The following CTR9 variants were observed in gnomAD, a reference collection of about 807,000 sequenced individuals.
CTR9 encodes CTR9 component of Paf1/RNA polymerase II complex, also known as RNA polymerase-associated protein CTR9 homolog.
Under a neutral mutation model 152.1 loss-of-function variants are expected in CTR9, and 41 were observed. That is an observed-to-expected ratio of 0.27 (90% CI 0.21 to 0.35). CTR9 has a LOEUF of 0.35. CTR9 is among the 10% of genes least tolerant of loss of function. The pLI is 1.00. For missense variants in CTR9, 917 were observed against 1,424.4 expected (o/e 0.64, Z 5.73); for synonymous variants, 476 against 496.2 (o/e 0.96, Z 0.54).
In CTR9 at chr11:10,755,117, A is replaced by C; in HGVS notation, c.304A>C (p.Asn102His). The C allele has an allele frequency of 6.2e-7, 1 of 1,614,090 alleles. No individual in the cohort carries two copies. The highest frequency in any genetic ancestry group is 8.5e-7 in the Non-Finnish European group (1 of 1,179,976). The change falls in exon 3 of 25, where the codon AAT becomes CAT. Residue 102 changes from asparagine to histidine, a missense_variant. Asn to His is a moderately conservative substitution (Grantham distance 68). Around this residue, in one of 9 missense-constraint regions of CTR9, gnomAD observed 67 missense variants for 106.9 expected, o/e 0.63. Transcript: ENST00000361367. ...YYVQQARKEKNKDNKKDLITQ... is the reference protein window; with the variant it reads ...YYVQQARKEKHKDNKKDLITQ... ...TGTACAACAGGCTCGGAAAGAAAAG[A>C]ATAAGGACAATAAAAAGGATCTTAT...
rs1863284326 is a variant in CTR9, at chr11:10,778,849, AGCCATCCAGAAAGAGAAG to A, written c.3270_3287del (p.Arg1092_Ser1097del). On this transcript the variant is annotated inframe_deletion, in exon 25 of 25. Coordinates refer to ENST00000361367, the MANE Select transcript of CTR9 (RefSeq NM_014633.5). Reference sequence around the variant, plus strand: ...TCAGATCAGGACTCAGACAGTGACCAGCCATCCAGAAAGAGAAGGCCCTCCGGTTCTGAGCAGTCTGAC... The same window carrying A: ...TCAGATCAGGACTCAGACAGTGACCAGCCCTCCGGTTCTGAGCAGTCTGAC... The A allele has an allele frequency of 1.9e-6, 3 of 1,614,138 alleles. No homozygotes were observed. Among genetic ancestry groups the A allele is most frequent in the Non-Finnish European group, 2.5e-6 (3 of 1,180,044 alleles).
At chr11:10,766,761 T>C (rs1266268921) in intron 13 of CTR9, among the ~76,000 whole-genome samples, 3 of 152,202 alleles carry the variant, frequency 2.0e-5, no homozygotes, top group African/African-American at 7.2e-5. Flanking sequence ...CTTCAACAAA[T>C]GTGACCTGAC....
chr11:10,770,406 C>T (rs1464148748), intron 17 of CTR9, 80 bp downstream of exon 17: 2 of 1,570,972 alleles, frequency 1.3e-6, no homozygotes, highest in Non-Finnish European at 1.7e-6. Flanking sequence ...TGTTCACATA[C>T]CTACTACTTA....
In CTR9 at chr11:10,779,292, C is replaced by CAT; in HGVS notation, c.*187_*188insAT. On this transcript the variant is annotated 3_prime_UTR_variant, in exon 25 of 25. Transcript: ENST00000361367. ...GTGCTAGAGTCCAATATTTGAGTCT[C>CAT]TCGTGCAAATGAGACTATTCTTTGT... 1.7e-6 allele frequency: 1 copy of CAT among 590,818 alleles called. No homozygotes were observed. The highest frequency in any genetic ancestry group is 2.9e-6 in the Non-Finnish European group (1 of 341,444). 36.6% of individuals were successfully genotyped at this position (590,818 alleles called of 1,614,324 possible).
chr11:10,773,654 G>A (rs1336566365), intron 21 of CTR9, among the ~76,000 whole-genome samples: 3 of 151,992 alleles, frequency 2.0e-5, no homozygotes, highest in African/African-American at 4.8e-5. Context: ...TTGGGAGGCC[G>A]AGGTGGGCAG....
chr11:10,776,916 T>C (rs901501645), intron 24 of CTR9, among the ~76,000 whole-genome samples: 7 of 127,448 alleles, frequency 5.5e-5, no homozygotes, highest in African/African-American at 2.1e-4. Flanking sequence ...GAGGTTGAAG[T>C]GAGCTGAGAT....
In CTR9 at chr11:10,775,253, G is replaced by A; in HGVS notation, c.2932G>A (p.Gly978Ser). 6.2e-7 allele frequency: 1 copy of A among 1,613,914 alleles called. No individual in the cohort carries two copies. The highest frequency in any genetic ancestry group is 8.5e-7 in the Non-Finnish European group (1 of 1,179,932). ...EGSDDDETENGPKPKKRRPPK... is the reference protein window; with the variant it reads ...EGSDDDETENSPKPKKRRPPK... ...ATCTGATGATGATGAAACAGAAAATGGCCCCAAACCAAAAAAACGACGTCC... is the reference window on the plus strand; with the variant it reads ...ATCTGATGATGATGAAACAGAAAATAGCCCCAAACCAAAAAAACGACGTCC... The change falls in exon 23 of 25, where the codon GGC becomes AGC. Residue 978 changes from glycine to serine, a missense_variant. Physicochemically the swap from Gly to Ser is moderately conservative, Grantham distance 56. Around this residue, in one of 9 missense-constraint regions of CTR9, gnomAD observed 384 missense variants for 398.4 expected, o/e 0.96. Coordinates refer to ENST00000361367, the MANE Select transcript of CTR9 (RefSeq NM_014633.5).
chr11:10,754,700 C>A (rs1266981134), intron 2 of CTR9, among the ~76,000 whole-genome samples: 1 of 151,870 alleles, frequency 6.6e-6, no homozygotes, highest in Non-Finnish European at 1.5e-5. Context: ...TTTTTTTGGT[C>A]TGATTTCTTT....
In CTR9 at chr11:10,778,885, A is replaced by G; in HGVS notation, c.3302A>G (p.Gln1101Arg). Residue 1101 changes from glutamine (Q) to arginine (R), a missense_variant, in exon 25 of 25, where the codon CAG becomes CGG. Coordinates refer to ENST00000361367, the MANE Select transcript of CTR9 (RefSeq NM_014633.5). ...AAGAGAAGGCCCTCCGGTTCTGAGC[A>G]GTCTGACAATGAATCTGTGCAGTCA... Reference protein sequence around the residue: ...SRKRRPSGSEQSDNESVQSGR... With the variant: ...SRKRRPSGSERSDNESVQSGR... 1 of 1,614,200 alleles carries G rather than the reference A, an allele frequency of 6.2e-7. No homozygotes were observed. The highest frequency in any genetic ancestry group is 1.1e-5 in the South Asian group (1 of 91,084).
At chr11:10,752,218 A>T in intron 1 of CTR9, among the ~76,000 whole-genome samples, 1 of 152,154 alleles carries the variant, frequency 6.6e-6, no homozygotes, top group East Asian at 1.9e-4. Flanking sequence ...TTGTGCTTAC[A>T]GTCAGGACTG....
intron 21 of CTR9, among the ~76,000 whole-genome samples, chr11:10,773,631 T>A (rs1264591922): frequency 6.6e-6 from 1 of 152,116 alleles, no homozygotes; most frequent in Non-Finnish European, 1.5e-5. Flanking sequence ...CTCATGCTTA[T>A]AATCCTAGCA....
chr11:10,766,323 G>C, intron 12 of CTR9, 79 bp from the exon 13 acceptor site: 1 of 1,119,200 alleles, frequency 8.9e-7, no homozygotes, highest in Non-Finnish European at 1.3e-6. Flanking sequence ...AAAAAAAATT[G>C]TTTCAAAAGT....
At chr11:10,775,419 C>A in intron 23 of CTR9, 102 bp from the exon 24 acceptor site, 10 of 1,369,008 alleles carry the variant, frequency 7.3e-6, no homozygotes, top group Non-Finnish European at 1.0e-5. Context: ...TTTCAAAGTT[C>A]ATCAGTGGCT....
rs1057203917 is a variant in CTR9 at position 10,768,915 on chromosome 11, T to G, written c.2109+424T>G. On this transcript the variant is annotated intron_variant, in intron 16 of 24. Coordinates refer to ENST00000361367, the MANE Select transcript of CTR9 (RefSeq NM_014633.5). ...GTGAGTTTTAGAAAGGTTAAATGACTTATTTAAAAGAAAACAGGCCAGGCA... is the reference window on the plus strand; with the variant it reads ...GTGAGTTTTAGAAAGGTTAAATGACGTATTTAAAAGAAAACAGGCCAGGCA... Among the ~76,000 whole-genome samples, 2 of 152,174 alleles carry G rather than the reference T, an allele frequency of 1.3e-5. 1 individual carries two copies. The highest frequency in any genetic ancestry group is 1.3e-4 in the Admixed American group (2 of 15,274).
At chr11:10,769,034 A>G (rs1381980019) in intron 16 of CTR9, among the ~76,000 whole-genome samples, 1 of 152,144 alleles carries the variant, frequency 6.6e-6, no homozygotes. Context: ...CAGCCTGGCC[A>G]ACATGGTGAA....
intron 23 of CTR9, 88 bp downstream of exon 23, chr11:10,775,391 T>A: frequency 7.1e-7 from 1 of 1,417,390 alleles, no homozygotes; most frequent in Non-Finnish European, 9.8e-7. Context: ...TGCAGCTTTC[T>A]CAAGCACAAA....
chr11:10,771,371 T>C (rs1018781472), intron 18 of CTR9, among the ~76,000 whole-genome samples, 174 bp from the exon 19 acceptor site: 2 of 152,258 alleles, frequency 1.3e-5, no homozygotes, highest in African/African-American at 2.4e-5. Context: ...TAAATATAAC[T>C]TAGACCATCT....
rs763525925 is a variant in CTR9, at chr11:10,767,799, G to A, written c.1687-7G>A. 6.2e-6 allele frequency: 10 copies of A among 1,613,658 alleles called. No homozygotes were observed. In the South Asian group the frequency reaches 8.8e-5, roughly 14 times the overall value. On this transcript the variant is annotated splice_polypyrimidine_tract_variant and splice_region_variant and intron_variant, in intron 13 of 24. Coordinates refer to ENST00000361367, the MANE Select transcript of CTR9 (RefSeq NM_014633.5). The surrounding 1 kb of genome is among the most constrained non-coding windows in gnomAD (Gnocchi z 4.0). Reference sequence around the variant, plus strand: ...AGATTTTCCTTCTTCATGTATGTATGTTTCAGGATCATCCAGATGCTTGGT... The same window carrying A: ...AGATTTTCCTTCTTCATGTATGTATATTTCAGGATCATCCAGATGCTTGGT...
chr11:10,766,437 G>A lies in CTR9; in HGVS notation c.1633G>A (p.Gly545Arg), dbSNP rs1863061166. ...CCTAGGAGCCATGGCTAGAGATAAGGGAAACTTTTATGAGGCTTCAGATTG... is the reference window on the plus strand; with the variant it reads ...CCTAGGAGCCATGGCTAGAGATAAGAGAAACTTTTATGAGGCTTCAGATTG... Reference protein sequence around the residue: ...LRLGAMARDKGNFYEASDWFK... With the variant: ...LRLGAMARDKRNFYEASDWFK... The change falls in exon 13 of 25, where the codon GGA becomes AGA. Residue 545 changes from glycine (G) to arginine (R), a missense_variant. Gly to Arg is a moderately radical substitution (Grantham distance 125). Around this residue, in one of 9 missense-constraint regions of CTR9, gnomAD observed 87 missense variants for 235.7 expected, o/e 0.37. Transcript: ENST00000361367. 1.2e-6 allele frequency: 2 copies of A among 1,610,808 alleles called. No individual in the cohort carries two copies. The highest frequency in any genetic ancestry group is 1.3e-5 in the African/African-American group (1 of 74,694).
Sources: gnomAD v4.1 joint callset for allele counts (sites outside exome capture counted in the v4.1 genomes callset) on GRCh38, gnomAD v4.1.1 for gene constraint, gnomAD v4.1.1 regional missense constraint, Gnocchi (gnomAD v3.1) non-coding constraint, MANE v1.5 for transcripts, NCBI Gene and HGNC (gene_info 2026-07-23, HGNC 2026-07-21) for gene names.